Variants in DISC1 observed in about 807,000 individuals in gnomAD.
DISC1 encodes disrupted in schizophrenia 1 protein.
DISC1 carries 57 observed loss-of-function variants against 84.5 expected under a neutral mutation model. The observed-to-expected ratio is 0.67, with a 90% CI of 0.55 to 0.84. The LOEUF (loss-of-function observed/expected upper bound fraction) is 0.84, where lower values mean the gene tolerates loss of function less well. Ranked by LOEUF, DISC1 falls within the 40% of genes least tolerant of loss-of-function variation. The pLI is 0.00. For synonymous variants in DISC1, 411 were observed against 415.2 expected (o/e 0.99, Z 0.12); for missense variants, 1,000 against 1,057.8 (o/e 0.95, Z 0.76).
chr1:231,833,059 G>A (rs543735131), intron 9 of DISC1, among the ~76,000 whole-genome samples: 11 of 145,488 alleles, frequency 7.6e-5, no homozygotes, highest in African/African-American at 2.6e-4. Flanking sequence ...GGGTTAAGGT[G>A]GGGGGATACA....
At chr1:232,010,598 C>CAAG (rs1356194712) in intron 11 of DISC1, among the ~76,000 whole-genome samples, 1 of 152,122 alleles carries the variant, frequency 6.6e-6, no homozygotes, top group Non-Finnish European at 1.5e-5. Flanking sequence ...GGCACCTATA[C>CAAG]AGACAGAGTA....
At chr1:231,691,152 C>T (rs531476724) in intron 1 of DISC1, among the ~76,000 whole-genome samples, 60 of 152,166 alleles carry the variant, frequency 3.9e-4, no homozygotes, top group African/African-American at 1.3e-3. Context: ...GGGCTGGGCG[C>T]GGTGGCTGTG....
At chr1:231,878,142 C>T (rs182053955) in intron 9 of DISC1, among the ~76,000 whole-genome samples, 39 of 152,172 alleles carry the variant, frequency 2.6e-4, no homozygotes, top group African/African-American at 7.7e-4. Flanking sequence ...GTGCTGGGCT[C>T]GGTGCTGCAG....
intron 3 of DISC1, among the ~76,000 whole-genome samples, chr1:231,715,346 A>C (rs1475703504): frequency 6.6e-6 from 1 of 152,266 alleles, no homozygotes. Context: ...TTAAAAATGC[A>C]TAAAGAAGAT....
chr1:231,827,570 T>C (rs2081949595), intron 9 of DISC1, among the ~76,000 whole-genome samples: 1 of 152,234 alleles, frequency 6.6e-6, no homozygotes, highest in Non-Finnish European at 1.5e-5. Flanking sequence ...CCAAGAGAGA[T>C]GGTATTTACT....
At chr1:231,673,453 G>T (rs1572727046) in intron 1 of DISC1, among the ~76,000 whole-genome samples, 1 of 152,122 alleles carries the variant, frequency 6.6e-6, no homozygotes, top group East Asian at 1.9e-4. Context: ...TCAGCCTCTT[G>T]AGTAGCTGGG....
At chr1:231,808,800 TGGGCATCCCAGGTAAAACCTGGCCTG>T (rs2079975417) in intron 8 of DISC1, among the ~76,000 whole-genome samples, 1 of 152,208 alleles carries the variant, frequency 6.6e-6, no homozygotes, top group Admixed American at 6.5e-5. Context: ...TGTGCTCTCT[TGGGCATCCCAGGTAAAACCTGGCCTG>T]GGGCATCCCC....
At chr1:231,975,359 T>C (rs1413218096) in intron 10 of DISC1, among the ~76,000 whole-genome samples, 1 of 152,144 alleles carries the variant, frequency 6.6e-6, no homozygotes, top group African/African-American at 2.4e-5. Flanking sequence ...AGAAGACCCT[T>C]ATACACTGCC....
chr1:231,884,408 T>A (rs900609864), intron 9 of DISC1, among the ~76,000 whole-genome samples: 1 of 152,212 alleles, frequency 6.6e-6, no homozygotes. Flanking sequence ...CCATCCATGC[T>A]GCTACAAAGG....
intron 3 of DISC1, among the ~76,000 whole-genome samples, chr1:231,725,876 G>T (rs199863424): frequency 6.6e-6 from 1 of 152,154 alleles, no homozygotes; most frequent in East Asian, 1.9e-4. Flanking sequence ...GAGGGAATGA[G>T]ATTGGTCCTA....
chr1:231,988,159 C>A (rs761457394), intron 10 of DISC1, among the ~76,000 whole-genome samples: 10 of 152,110 alleles, frequency 6.6e-5, no homozygotes, highest in Non-Finnish European at 1.0e-4. Context: ...GCACTCCAGC[C>A]TGGGCGACAG....
chr1:231,653,627 C>T (rs941920627), intron 1 of DISC1, among the ~76,000 whole-genome samples: 1 of 152,156 alleles, frequency 6.6e-6, no homozygotes, highest in Non-Finnish European at 1.5e-5. Flanking sequence ...TAGTCTCTAA[C>T]AGAGCTTCCC....
intron 5 of DISC1, among the ~76,000 whole-genome samples, chr1:231,767,813 GCTTTT>G (rs1407658774): frequency 6.6e-6 from 1 of 152,252 alleles, no homozygotes; most frequent in African/African-American, 2.4e-5. Flanking sequence ...TTTTGAATAT[GCTTTT>G]CTTGTCTGCC....
intron 9 of DISC1, among the ~76,000 whole-genome samples, chr1:231,847,908 C>T (rs1027303868): frequency 6.6e-6 from 1 of 152,180 alleles, no homozygotes; most frequent in Non-Finnish European, 1.5e-5. Context: ...CAGATAGTGT[C>T]ACTCAAATAT....
intron 3 of DISC1, among the ~76,000 whole-genome samples, chr1:231,733,067 AGTG>A (rs1312064027): frequency 1.4e-4 from 1 of 7,362 alleles, no homozygotes; most frequent in Non-Finnish European, 3.3e-4. Flanking sequence ...TAGGAGTGGT[AGTG>A]GTGGTAATGG....
At chr1:231,936,351 C>T (rs2090979929) in intron 9 of DISC1, among the ~76,000 whole-genome samples, 1 of 152,162 alleles carries the variant, frequency 6.6e-6, no homozygotes, top group Non-Finnish European at 1.5e-5. Context: ...GTTCCTAGTT[C>T]TGCTGCCCCT....
chr1:232,017,036 G>A (rs1668546088), intron 11 of DISC1, among the ~76,000 whole-genome samples: 2 of 152,160 alleles, frequency 1.3e-5, no homozygotes, highest in African/African-American at 4.8e-5. Flanking sequence ...TCAAATACAT[G>A]TGAAATATAT....
At chr1:231,661,503 T>C (rs2061561336) in intron 1 of DISC1, among the ~76,000 whole-genome samples, 1 of 152,200 alleles carries the variant, frequency 6.6e-6, no homozygotes, top group Non-Finnish European at 1.5e-5. Flanking sequence ...GTCTTTAAGC[T>C]CTGAAATTCT....
intron 9 of DISC1, among the ~76,000 whole-genome samples, chr1:231,878,619 T>C (rs916820293): frequency 3.3e-5 from 5 of 152,188 alleles, no homozygotes; most frequent in East Asian, 1.9e-4. Flanking sequence ...TCAATGTCAT[T>C]GTCATTTTTT....
Sources: allele counts gnomAD v4.1 joint callset (sites outside exome capture counted in the v4.1 genomes callset), GRCh38; gene constraint gnomAD v4.1.1; transcripts MANE v1.5; gene names NCBI Gene and HGNC (gene_info 2026-07-23, HGNC 2026-07-21).